MGAM2: variants seen among roughly 807,000 people sequenced by gnomAD.
MGAM2 encodes probable maltase-glucoamylase 2.
In MGAM2, 98 loss-of-function variants were observed where a neutral mutation model predicts 96.1. That is an observed-to-expected ratio of 1.02 (90% CI 0.87 to 1.21). The LOEUF is 1.21. MGAM2 is among the 50% of genes most tolerant of loss of function. MGAM2 has a pLI of 0.00. For synonymous variants in MGAM2, 749 were observed against 414.8 expected (o/e 1.81, Z -9.79); for missense variants, 2,055 against 1,182.4 (o/e 1.74, Z -10.82).
At chr7:142,213,488 G>C (rs1280140161) in intron 46 of MGAM2, among the ~76,000 whole-genome samples, 1 of 152,082 alleles carries the variant, frequency 6.6e-6, no homozygotes, top group Non-Finnish European at 1.5e-5. Context: ...TGGTAGAGAG[G>C]AGATCACCGC....
chr7:142,143,947 T>G (rs765113224), intron 13 of MGAM2, 65 bp downstream of exon 13: 2 of 693,868 alleles, frequency 2.9e-6, no homozygotes, highest in Non-Finnish European at 5.3e-6. Context: ...TCAGATGAGT[T>G]TTGACCTTGA....
intron 26 of MGAM2, among the ~76,000 whole-genome samples, chr7:142,168,096 G>A (rs540399067): frequency 5.9e-5 from 9 of 152,168 alleles, no homozygotes; most frequent in East Asian, 1.9e-4. Flanking sequence ...CACATGAGAG[G>A]CATTAACTTA....
rs1320162341 is a variant in MGAM2 at position 142,172,710 on chromosome 7, C to G, written c.3507C>G (p.Asp1169Glu). 1.4e-6 allele frequency: 1 copy of G among 704,852 alleles called. No individual in the cohort carries two copies. The highest frequency in any genetic ancestry group is 2.0e-5 in the Admixed American group (1 of 50,078). 43.7% of individuals were successfully genotyped at this position (704,852 alleles called of 1,614,324 possible). Residue 1169 changes from aspartate (D) to glutamate (E), a missense_variant, in exon 30 of 48, where the codon GAC becomes GAG. By Grantham distance (45) the Asp-to-Glu change is conservative. Coordinates refer to ENST00000477922, the MANE Select transcript of MGAM2 (RefSeq NM_001293626.2). ...LTYRTTGGIL[D>E]FYIVLGPTPE... ...ACCGCACCACAGGAGGGATTTTGGACTTCTACATTGTTTTGGGGCCAACCC... is the reference window on the plus strand; with the variant it reads ...ACCGCACCACAGGAGGGATTTTGGAGTTCTACATTGTTTTGGGGCCAACCC...
chr7:142,178,828 A>G (rs931139898), intron 32 of MGAM2, among the ~76,000 whole-genome samples: 1 of 152,192 alleles, frequency 6.6e-6, no homozygotes, highest in African/African-American at 2.4e-5. Context: ...TTTAATAGAT[A>G]TAGCATTGAA....
At chr7:142,147,316 A>T (rs1795416660) in intron 14 of MGAM2, 140 bp from the exon 15 acceptor site, 1 of 555,112 alleles carries the variant, frequency 1.8e-6, no homozygotes, top group Non-Finnish European at 3.2e-6. Flanking sequence ...CATTTAGGAT[A>T]GAATTTAAAA....
chr7:142,184,139 A>G (rs921620815), intron 33 of MGAM2, among the ~76,000 whole-genome samples: 8 of 150,974 alleles, frequency 5.3e-5, no homozygotes, highest in African/African-American at 1.9e-4. Flanking sequence ...CTCCTGATTA[A>G]TTTTTGTATT....
At chr7:142,121,985 T>C (rs781103871) in intron 3 of MGAM2, among the ~76,000 whole-genome samples, 2 of 152,154 alleles carry the variant, frequency 1.3e-5, no homozygotes, top group Non-Finnish European at 2.9e-5. Context: ...AAGTTAGCTA[T>C]TGGCTTAAGA....
Position 142,170,064 on chromosome 7 carries a change from C to T in MGAM2, c.3028-11C>T. On this transcript the variant is annotated splice_polypyrimidine_tract_variant and intron_variant, in intron 26 of 47. Transcript: ENST00000477922. ...ACCCTAACAGAAAGTTTTCTTCTCTCTTCTTGCCAGATCTATGACCCCACT... is the reference window on the plus strand; with the variant it reads ...ACCCTAACAGAAAGTTTTCTTCTCTTTTCTTGCCAGATCTATGACCCCACT... 1 of 695,754 alleles carries T rather than the reference C, an allele frequency of 1.4e-6. No homozygotes were observed. Among genetic ancestry groups the T allele is most frequent in the Non-Finnish European group, 2.6e-6 (1 of 382,372 alleles). The allele number at this position is 695,754 out of a possible 1,614,324, so 43.1% of individuals were successfully genotyped here. A position where few individuals can be genotyped will look rare whatever the true frequency, so the allele number is the denominator to read the frequency against.
At chr7:142,124,414 T>C (rs1407305492) in intron 3 of MGAM2, among the ~76,000 whole-genome samples, 1 of 152,192 alleles carries the variant, frequency 6.6e-6, no homozygotes, top group South Asian at 2.1e-4. Flanking sequence ...ATGTATTTTG[T>C]TGAGTTACTA....
At chr7:142,189,177 A>G (rs968803939) in intron 36 of MGAM2, among the ~76,000 whole-genome samples, 190 bp from the exon 37 acceptor site, 1 of 152,162 alleles carries the variant, frequency 6.6e-6, no homozygotes, top group African/African-American at 2.4e-5. Flanking sequence ...CCAGCTCCAT[A>G]TTTTATCCTT....
chr7:142,161,229 G>A lies in MGAM2; in HGVS notation c.2434+16G>A, dbSNP rs1438843340. On this transcript the variant is annotated intron_variant, in intron 22 of 47. Transcript: ENST00000477922. The stretch of plus-strand genomic sequence containing the variant: ...GTATCTAAAGGTAGACTTTCTCAAG[G>A]CACCATCCCTGTGGATCACTGTGGT... The A allele has an allele frequency of 4.3e-6, 3 of 701,426 alleles. No individual in the cohort carries two copies. In the African/African-American group the frequency reaches 5.2e-5, roughly 12 times the overall value. 43.5% of individuals were successfully genotyped at this position (701,426 alleles called of 1,614,324 possible).
Position 142,221,390 on chromosome 7 carries a change from C to T in MGAM2, c.6879C>T (p.Tyr2293=). Residue 2293 remains tyrosine, a synonymous_variant, in exon 48 of 48, where the codon TAC becomes TAT. Transcript: ENST00000477922. ...CTAATCCTGGCATGACTACTTATTA[C>T]CAGACTTCTCCTACCATTCCTACCC... ...NNTNPGMTTY[Y]QTSPTIPTHT... 1.6e-6 allele frequency: 1 copy of T among 606,564 alleles called. No individual in the cohort carries two copies. Among genetic ancestry groups the T allele is most frequent in the South Asian group, 2.0e-5 (1 of 50,446 alleles). The allele number at this position is 606,564 out of a possible 1,614,324, so 37.6% of individuals were successfully genotyped here.
rs144453620 is a variant in MGAM2, at chr7:142,186,003, C to T, written c.4002C>T (p.Tyr1334=). 407 of 703,418 alleles carry T rather than the reference C, an allele frequency of 5.8e-4. 2 individuals are homozygous for T. In the East Asian group the frequency reaches 9.3e-3, roughly 16 times the overall value. The allele number at this position is 703,418 out of a possible 1,614,324, so 43.6% of individuals were successfully genotyped here. A position where few individuals can be genotyped will look rare whatever the true frequency, so the allele number is the denominator to read the frequency against. Residue 1334 remains tyrosine, a synonymous_variant, in exon 35 of 48, where the codon TAC becomes TAT. Transcript: ENST00000477922. The part of the protein sequence containing the change: ...HETQVKLYRA[Y]VAFPDFFRNS... ...TATTCTTACAGCTTTACAGGGCCTACGTTGCCTTTCCTGACTTCTTTCGTA... is the reference window on the plus strand; with the variant it reads ...TATTCTTACAGCTTTACAGGGCCTATGTTGCCTTTCCTGACTTCTTTCGTA...
Position 142,149,678 on chromosome 7 carries a change from C to T in MGAM2, c.1634+2105C>T, listed in dbSNP as rs566788168. Among the ~76,000 whole-genome samples the T allele has an allele frequency of 5.4e-3, 817 of 151,580 alleles. 6 individuals are homozygous for T. The highest frequency in any genetic ancestry group is 0.018 in the African/African-American group (760 of 41,370). ...GCCTCAGCCTCCCAAGTAGCTGGGA[C>T]TACAGGCAGCTGCCACCACGCCCGG... On this transcript the variant is annotated intron_variant, in intron 15 of 47. Transcript: ENST00000477922.
intron 3 of MGAM2, among the ~76,000 whole-genome samples, chr7:142,129,305 C>A (rs1219446596): frequency 2.6e-5 from 4 of 152,150 alleles, no homozygotes; most frequent in Non-Finnish European, 5.9e-5. Context: ...GCTAAAGGGA[C>A]TTGCCTTGTC....
At chr7:142,194,063 C>T (rs1431910966) in intron 37 of MGAM2, among the ~76,000 whole-genome samples, 3 of 150,642 alleles carry the variant, frequency 2.0e-5, no homozygotes, top group East Asian at 1.9e-4. Context: ...GATGGAGTCT[C>T]GCTCTGTCAC....
At chr7:142,117,789 T>G (rs1449103548) in intron 2 of MGAM2, among the ~76,000 whole-genome samples, 1 of 152,184 alleles carries the variant, frequency 6.6e-6, no homozygotes, top group Non-Finnish European at 1.5e-5. Context: ...CTAACACATT[T>G]TTCGGGTAAC....
rs770092333 is a variant in MGAM2, at chr7:142,172,168, T to G, written c.3422T>G (p.Val1141Gly). 14 of 720,856 alleles carry G rather than the reference T, an allele frequency of 1.9e-5. No individual in the cohort carries two copies. In the African/African-American group the frequency reaches 2.1e-4, roughly 11 times the overall value. 44.7% of individuals were successfully genotyped at this position (720,856 alleles called of 1,614,324 possible). Residue 1141 changes from valine (V) to glycine (G), a missense_variant, in exon 29 of 48, where the codon GTG (valine) becomes GGG (glycine). Transcript: ENST00000477922. The stretch of plus-strand genomic sequence containing the variant: ...GAGGAGGATGGTAGTGCCCATGGAG[T>G]GCTCCTGCTAAATAGCAATGCCATG... ...ALEEDGSAHG[V>G]LLLNSNAMDV...
intron 46 of MGAM2, among the ~76,000 whole-genome samples, chr7:142,210,659 G>A (rs1040876378): frequency 6.6e-6 from 1 of 152,180 alleles, no homozygotes; most frequent in Non-Finnish European, 1.5e-5. Context: ...TCTGGGCAGG[G>A]CATCTCTGAA....
Sources: gnomAD v4.1 joint callset for allele counts (sites outside exome capture counted in the v4.1 genomes callset) on GRCh38, gnomAD v4.1.1 for gene constraint, MANE v1.5 for transcripts, NCBI Gene and HGNC (gene_info 2026-07-23, HGNC 2026-07-21) for gene names.